The following CSMD1 variants were observed in gnomAD, a reference collection of about 807,000 sequenced individuals.
CSMD1 encodes the protein CUB and sushi domain-containing protein 1.
CSMD1 carries 213 observed loss-of-function variants against 417.5 expected under a neutral mutation model. The observed-to-expected ratio is 0.51, with a 90% CI of 0.46 to 0.57. The LOEUF is 0.57. CSMD1 is among the 20% of genes least tolerant of loss of function. The pLI, the probability that CSMD1 is intolerant of heterozygous loss-of-function variation, is 0.00. For missense variants in CSMD1, 6,923 were observed against 4,529.7 expected, an observed-to-expected ratio of 1.53 and a Z score of -15.17; for synonymous variants, 2,862 against 1,736.8, an observed-to-expected ratio of 1.65 and a Z score of -16.11.
At chr8:3,385,872 G>C (rs1032303418) in intron 18 of CSMD1, among the ~76,000 whole-genome samples, 6 of 151,780 alleles carry the variant, frequency 4.0e-5, no homozygotes, top group Non-Finnish European at 8.8e-5. Flanking sequence ...GCCAGGGCTG[G>C]GTATGCATAG....
rs189478662 is a variant in CSMD1, at chr8:3,330,977, G to A, written c.3631+12317C>T. Among the ~76,000 whole-genome samples, 287 of 152,200 alleles carry A rather than the reference G, an allele frequency of 1.9e-3. 1 individual carries two copies. Among genetic ancestry groups the A allele is most frequent in the African/African-American group, 6.5e-3 (269 of 41,524 alleles). On this transcript the variant is annotated intron_variant, in intron 23 of 69. Coordinates refer to ENST00000635120, the MANE Select transcript of CSMD1 (RefSeq NM_033225.6). The stretch of plus-strand genomic sequence containing the variant: ...TAAAAGAAAAGCAACAGTGCCGGGC[G>A]CGGTGGCTCACGCCTGTAATCCCAG...
At chr8:4,877,618 C>T (rs568130334) in intron 1 of CSMD1, among the ~76,000 whole-genome samples, 2 of 152,192 alleles carry the variant, frequency 1.3e-5, no homozygotes, top group South Asian at 2.1e-4. Context: ...TTCCTAATTT[C>T]CTAATCCTAT....
At chr8:3,238,138 C>T (rs539351297) in intron 26 of CSMD1, among the ~76,000 whole-genome samples, 5 of 150,846 alleles carry the variant, frequency 3.3e-5, no homozygotes, top group Non-Finnish European at 5.9e-5. Context: ...GATTTGGGTA[C>T]GTAAAGGAAA....
intron 3 of CSMD1, among the ~76,000 whole-genome samples, chr8:4,407,045 T>G (rs1805074398): frequency 6.6e-6 from 1 of 152,180 alleles, no homozygotes; most frequent in Non-Finnish European, 1.5e-5. Flanking sequence ...AATAAAGATT[T>G]ATTGAAACAC....
In CSMD1 at chr8:4,879,632, G is replaced by A. The variant is rs746832794; in HGVS notation, c.85+114700C>T. Among the ~76,000 whole-genome samples the A allele has an allele frequency of 5.9e-5, 9 of 151,998 alleles. 1 individual carries two copies. The highest frequency in any genetic ancestry group is 2.2e-4 in the African/African-American group (9 of 41,340). Reference sequence around the variant, plus strand: ...AGTTACAGAATCAACAACAGTTAAAGAGCCAGAATAGGAAAGTCTGAGATA... The same window carrying A: ...AGTTACAGAATCAACAACAGTTAAAAAGCCAGAATAGGAAAGTCTGAGATA... On this transcript the variant is annotated intron_variant, in intron 1 of 69. Transcript: ENST00000635120.
At chr8:4,229,183 G>A (rs1285645001) in intron 3 of CSMD1, among the ~76,000 whole-genome samples, 1 of 152,126 alleles carries the variant, frequency 6.6e-6, no homozygotes, top group South Asian at 2.1e-4. Flanking sequence ...GAGTCAACTT[G>A]TATTCCTCCT....
chr8:4,407,182 T>C (rs1805088419), intron 3 of CSMD1, among the ~76,000 whole-genome samples: 1 of 152,194 alleles, frequency 6.6e-6, no homozygotes, highest in South Asian at 2.1e-4. Flanking sequence ...CAAAGAAGTT[T>C]GCCAGTCCTC....
At chr8:3,108,285 TGCTA>T (rs1297280183) in intron 44 of CSMD1, among the ~76,000 whole-genome samples, 1 of 152,208 alleles carries the variant, frequency 6.6e-6, no homozygotes, top group Non-Finnish European at 1.5e-5. Flanking sequence ...ACATGACATT[TGCTA>T]TAACACCTTA....
chr8:4,108,473 G>C (rs914928663), intron 3 of CSMD1, among the ~76,000 whole-genome samples: 1 of 152,154 alleles, frequency 6.6e-6, no homozygotes, highest in African/African-American at 2.4e-5. Context: ...AAAAGCATCA[G>C]ATTTAGTGGC....
chr8:3,762,051 A>C (rs1014597923), intron 5 of CSMD1, among the ~76,000 whole-genome samples: 1 of 151,956 alleles, frequency 6.6e-6, no homozygotes, highest in Non-Finnish European at 1.5e-5. Context: ...CCTATAGTCA[A>C]TTTTTTAAAT....
chr8:4,432,994 C>CA (rs2128948245), intron 2 of CSMD1, among the ~76,000 whole-genome samples: 1 of 152,192 alleles, frequency 6.6e-6, no homozygotes, highest in South Asian at 2.1e-4. Flanking sequence ...TCAGTGGGAG[C>CA]ATTACATTCC....
intron 1 of CSMD1, among the ~76,000 whole-genome samples, chr8:4,970,291 G>C (rs542646925): frequency 2.6e-5 from 4 of 152,188 alleles, no homozygotes; most frequent in East Asian, 1.9e-4. Flanking sequence ...TAGATCATTT[G>C]TCTGTAAAAT....
intron 2 of CSMD1, among the ~76,000 whole-genome samples, chr8:4,449,991 G>T (rs192402734): frequency 1.3e-5 from 2 of 152,118 alleles, no homozygotes; most frequent in Admixed American, 1.3e-4. Flanking sequence ...CACTGGCCCT[G>T]TCCTAGCCAT....
chr8:4,898,022 T>G (rs767054470), intron 1 of CSMD1, among the ~76,000 whole-genome samples: 4 of 152,158 alleles, frequency 2.6e-5, no homozygotes, highest in Non-Finnish European at 5.9e-5. Context: ...CAGACTTCAG[T>G]TTATAAAACA....
rs553713172 is a variant in CSMD1, at chr8:4,892,572, A to T, written c.85+101760T>A. Among the ~76,000 whole-genome samples the T allele has an allele frequency of 3.3e-5, 5 of 152,272 alleles. No homozygotes were observed. The East Asian group carries it at 7.7e-4, about 23-fold the overall frequency. On this transcript the variant is annotated intron_variant, in intron 1 of 69. Coordinates refer to ENST00000635120, the MANE Select transcript of CSMD1 (RefSeq NM_033225.6). ...CGTTAGGTATTGCCTAATTATATTT[A>T]AAAAATCATACAGAAATATATACAG...
At chr8:4,298,028 T>G (rs1175423765) in intron 3 of CSMD1, among the ~76,000 whole-genome samples, 1 of 152,278 alleles carries the variant, frequency 6.6e-6, no homozygotes, top group South Asian at 2.1e-4. Context: ...AATAAATTGA[T>G]TTTATATTGA....
chr8:3,916,960 T>G (rs1032948518), intron 5 of CSMD1, among the ~76,000 whole-genome samples: 1 of 152,092 alleles, frequency 6.6e-6, no homozygotes, highest in African/African-American at 2.4e-5. Flanking sequence ...TCTCCTCCAA[T>G]TTATTATTTC....
At chr8:3,279,395 A>T (rs1802562275) in intron 26 of CSMD1, among the ~76,000 whole-genome samples, 1 of 152,186 alleles carries the variant, frequency 6.6e-6, no homozygotes, top group Admixed American at 6.5e-5. Context: ...CTAGAACTGG[A>T]TATAATTTGT....
intron 3 of CSMD1, among the ~76,000 whole-genome samples, chr8:4,367,489 G>C (rs1048599140): frequency 6.6e-6 from 1 of 152,160 alleles, no homozygotes; most frequent in Non-Finnish European, 1.5e-5. Flanking sequence ...AAATCGGGTA[G>C]TGTGATACCT....
Sources: gnomAD v4.1 joint callset for allele counts (sites outside exome capture counted in the v4.1 genomes callset) on GRCh38, gnomAD v4.1.1 for gene constraint, MANE v1.5 for transcripts, NCBI Gene and HGNC (gene_info 2026-07-23, HGNC 2026-07-21) for gene names.